The following UNC13C variants were observed in gnomAD, a reference collection of about 807,000 sequenced individuals.
UNC13C encodes the protein protein unc-13 homolog C.
In UNC13C, 174 loss-of-function variants were observed where a neutral mutation model predicts 245.4. That is an observed-to-expected ratio of 0.71 (90% confidence interval 0.63 to 0.80). The LOEUF (loss-of-function observed/expected upper bound fraction) is 0.80. Ranked by LOEUF, UNC13C falls within the 30% of genes least tolerant of loss-of-function variation. UNC13C has a pLI of 0.00. For synonymous variants in UNC13C, 992 were observed against 895.1 expected (o/e 1.11, Z -1.93); for missense variants, 2,829 against 2,602.9 (o/e 1.09, Z -1.89).
chr15:54,541,861 A>G (rs1896261150), intron 26 of UNC13C, among the ~76,000 whole-genome samples: 1 of 152,146 alleles, frequency 6.6e-6, no homozygotes, highest in African/African-American at 2.4e-5. Context: ...TTGAAATTAT[A>G]TACACCTTTG....
intron 17 of UNC13C, among the ~76,000 whole-genome samples, chr15:54,387,964 T>TAC (rs1343754834): frequency 2.0e-5 from 3 of 152,080 alleles, no homozygotes; most frequent in Non-Finnish European, 2.9e-5. Flanking sequence ...AAAGCACTTA[T>TAC]ACACACACAC....
chr15:54,446,259 T>C (rs573314608), intron 19 of UNC13C, among the ~76,000 whole-genome samples: 1 of 152,364 alleles, frequency 6.6e-6, no homozygotes, highest in South Asian at 2.1e-4. Context: ...TTACTTAGAA[T>C]TGACTTGGCA....
chr15:53,884,483 G>A, the UNC13C span, among the ~76,000 whole-genome samples: 9 of 152,164 alleles, frequency 5.9e-5, 1 homozygote, highest in South Asian at 6.2e-4. Context: ...GCATGCCACC[G>A]TGCCCAGCTA....
At chr15:54,169,869 T>C (rs2033322653) in intron 4 of UNC13C, among the ~76,000 whole-genome samples, 1 of 152,216 alleles carries the variant, frequency 6.6e-6, no homozygotes, top group South Asian at 2.1e-4. Context: ...AGCAGCTGGT[T>C]CTTTTTCTTC....
the UNC13C span, among the ~76,000 whole-genome samples, chr15:53,858,052 G>A: frequency 2.9e-4 from 44 of 152,234 alleles, no homozygotes; most frequent in African/African-American, 9.2e-4. Context: ...TTGTTTTAGG[G>A]CTTTTAATTT....
At chr15:53,999,805 G>A (rs1405875427) in intron 1 of UNC13C, among the ~76,000 whole-genome samples, 1 of 152,106 alleles carries the variant, frequency 6.6e-6, no homozygotes, top group African/African-American at 2.4e-5. Flanking sequence ...TTATTTAGAA[G>A]AATGTTGTTT....
chr15:53,929,011 T>C, the UNC13C span, among the ~76,000 whole-genome samples: 1 of 152,224 alleles, frequency 6.6e-6, no homozygotes, highest in African/African-American at 2.4e-5. Flanking sequence ...TGTATTAGTC[T>C]GTTCTCATGC....
intron 4 of UNC13C, among the ~76,000 whole-genome samples, chr15:54,191,656 A>G (rs2034187520): frequency 6.6e-6 from 1 of 152,150 alleles, no homozygotes; most frequent in Non-Finnish European, 1.5e-5. Flanking sequence ...GAACTGATTT[A>G]CACTCCCACC....
intron 2 of UNC13C, among the ~76,000 whole-genome samples, chr15:54,085,096 G>T (rs770387505): frequency 4.6e-5 from 7 of 151,960 alleles, no homozygotes; most frequent in Non-Finnish European, 8.8e-5. Flanking sequence ...TAACAGTATT[G>T]GTAGAAGAGT....
In UNC13C at chr15:54,013,522, T is replaced by C. The variant is rs751261564; in HGVS notation, c.619T>C (p.Trp207Arg). The C allele has an allele frequency of 1.9e-5, 31 of 1,613,866 alleles. No homozygotes were observed. Among genetic ancestry groups the C allele is most frequent in the Non-Finnish European group, 2.4e-5 (28 of 1,179,842 alleles). ...AGAGTTAAGCACCATGAAAAAATCC[T>C]GGGGAATAAGAAGTAAGTCTTTGGA... ...DSELSTMKKS[W>R]GIRSKSLDRT... The change falls in exon 2 of 33, where the codon TGG becomes CGG. Residue 207 changes from tryptophan (W) to arginine (R), a missense_variant. Coordinates refer to ENST00000260323, the MANE Select transcript of UNC13C (RefSeq NM_001080534.3).
At chr15:54,169,079 A>G (rs2033289343) in intron 4 of UNC13C, among the ~76,000 whole-genome samples, 1 of 152,222 alleles carries the variant, frequency 6.6e-6, no homozygotes, top group Admixed American at 6.5e-5. Flanking sequence ...GCAAGGAAAC[A>G]TTTTACAGGG....
At chr15:54,452,654 G>A (rs144317577) in intron 19 of UNC13C, among the ~76,000 whole-genome samples, 3 of 152,204 alleles carry the variant, frequency 2.0e-5, no homozygotes, top group Non-Finnish European at 4.4e-5. Context: ...GAGGTTGGCT[G>A]TGGTCAGACG....
At chr15:54,569,888 T>G (rs557630178) in intron 30 of UNC13C, among the ~76,000 whole-genome samples, 1 of 152,216 alleles carries the variant, frequency 6.6e-6, no homozygotes, top group East Asian at 1.9e-4. Flanking sequence ...ATATGCCTTG[T>G]GGAAACTTAT....
intron 19 of UNC13C, among the ~76,000 whole-genome samples, chr15:54,435,396 C>T (rs969536795): frequency 4.6e-5 from 7 of 152,054 alleles, no homozygotes; most frequent in African/African-American, 1.4e-4. Flanking sequence ...TACATACAGC[C>T]ATAAAAAAGG....
At chr15:54,575,279 G>A (rs1478523930) in intron 30 of UNC13C, among the ~76,000 whole-genome samples, 1 of 152,100 alleles carries the variant, frequency 6.6e-6, no homozygotes, top group Non-Finnish European at 1.5e-5. Flanking sequence ...CAGGTGATCT[G>A]CCCACCTTGT....
intron 10 of UNC13C, among the ~76,000 whole-genome samples, chr15:54,290,031 C>G (rs1013626721): frequency 1.3e-5 from 2 of 152,066 alleles, no homozygotes; most frequent in Non-Finnish European, 2.9e-5. Flanking sequence ...TGCTTCTCCA[C>G]CACAGAATCA....
chr15:54,085,744 A>G (rs997954526), intron 2 of UNC13C, among the ~76,000 whole-genome samples: 1 of 152,142 alleles, frequency 6.6e-6, no homozygotes, highest in Non-Finnish European at 1.5e-5. Flanking sequence ...ACAATAAAAG[A>G]AAACTAGGCA....
At chr15:54,007,248 A>G (rs1441074955) in intron 1 of UNC13C, among the ~76,000 whole-genome samples, 1 of 152,212 alleles carries the variant, frequency 6.6e-6, no homozygotes, top group Non-Finnish European at 1.5e-5. Context: ...CTTAATGCAA[A>G]TGAAGGAGCA....
At chr15:53,940,130 TTGGCTTCACCA>T in the UNC13C span, among the ~76,000 whole-genome samples, 1 of 152,132 alleles carries the variant, frequency 6.6e-6, no homozygotes, top group African/African-American at 2.4e-5. Context: ...GTAAAGTCTG[TTGGCTTCACCA>T]TGGCACTTAG....
Sources: gnomAD v4.1 joint callset for allele counts (sites outside exome capture counted in the v4.1 genomes callset) on GRCh38, gnomAD v4.1.1 for gene constraint, MANE v1.5 for transcripts, NCBI Gene and HGNC (gene_info 2026-07-23, HGNC 2026-07-21) for gene names.